Variants in STAG1 observed in about 807,000 individuals in gnomAD.
The protein encoded by STAG1 is cohesin subunit SA-1.
A neutral mutation model predicts 170.9 loss-of-function variants in STAG1; 26 were observed. The observed-to-expected ratio is 0.15, with a 90% CI of 0.11 to 0.21. The LOEUF is 0.21. Ranked by LOEUF, STAG1 falls within the 10% of genes least tolerant of loss-of-function variation. STAG1 has a pLI of 1.00. For missense variants in STAG1, 964 were observed against 1,509.5 expected, an observed-to-expected ratio of 0.64 and a Z score of 5.99; for synonymous variants, 514 against 497.7, an observed-to-expected ratio of 1.03 and a Z score of -0.44.
chr3:136,562,217 G>A (rs538969607), intron 5 of STAG1, among the ~76,000 whole-genome samples: 2 of 151,824 alleles, frequency 1.3e-5, no homozygotes, highest in South Asian at 2.1e-4. Flanking sequence ...GCAGCCACCT[G>A]TCACATTTCT....
intron 5 of STAG1, among the ~76,000 whole-genome samples, chr3:136,555,739 T>C (rs1231259274): frequency 6.9e-6 from 1 of 144,764 alleles, no homozygotes; most frequent in Non-Finnish European, 1.5e-5. Flanking sequence ...ATTTAATAGT[T>C]AAAAAAAAAA....
intron 3 of STAG1, among the ~76,000 whole-genome samples, chr3:136,615,892 CA>C (rs1939570274): frequency 6.6e-6 from 1 of 151,874 alleles, no homozygotes; most frequent in South Asian, 2.1e-4. Flanking sequence ...GTACAGCTGC[CA>C]ATAAAGTAAG....
intron 7 of STAG1, among the ~76,000 whole-genome samples, chr3:136,510,949 T>C (rs1353210167): frequency 1.3e-5 from 2 of 152,066 alleles, no homozygotes; most frequent in East Asian, 3.9e-4. Flanking sequence ...AATTTTGTAT[T>C]TTTAGTAGAG....
intron 1 of STAG1, among the ~76,000 whole-genome samples, chr3:136,670,571 G>A (rs764167826): frequency 5.3e-5 from 8 of 152,092 alleles, no homozygotes; most frequent in Non-Finnish European, 8.8e-5. Flanking sequence ...ACCTCTACTG[G>A]GTTCAAGCGA....
intron 25 of STAG1, among the ~76,000 whole-genome samples, chr3:136,365,173 T>C (rs1937028618): frequency 1.3e-5 from 2 of 152,304 alleles, no homozygotes; most frequent in African/African-American, 2.4e-5. Context: ...CAATGAAGTA[T>C]TGTTAAAGGA....
chr3:136,546,600 G>C (rs1261681235), intron 5 of STAG1, among the ~76,000 whole-genome samples: 1 of 152,124 alleles, frequency 6.6e-6, no homozygotes, highest in Admixed American at 6.5e-5. Context: ...AGAAAACAGA[G>C]AGTAGAAAAG....
At chr3:136,400,967 T>C (rs746157211) in intron 21 of STAG1, among the ~76,000 whole-genome samples, 8 of 152,238 alleles carry the variant, frequency 5.3e-5, no homozygotes, top group Non-Finnish European at 8.8e-5. Context: ...TTACAATACA[T>C]TGTTTTCATT....
At chr3:136,412,778 G>A (rs1576440711) in intron 21 of STAG1, among the ~76,000 whole-genome samples, 1 of 151,396 alleles carries the variant, frequency 6.6e-6, no homozygotes, top group African/African-American at 2.4e-5. Flanking sequence ...AAAAACAAAT[G>A]TAACAACTAA....
intron 6 of STAG1, among the ~76,000 whole-genome samples, chr3:136,522,935 A>G (rs1217611507): frequency 6.6e-6 from 1 of 152,242 alleles, no homozygotes; most frequent in South Asian, 2.1e-4. Context: ...TCCACAGTGT[A>G]TATGTGCCAT....
rs146114773 is a variant in STAG1, at chr3:136,700,580, C to T, written c.-84+51615G>A. Reference sequence around the variant, plus strand: ...GATTACAGGTGCCCGCTACCACGCCCGGCCAATTTTTTGTATTTTTAGTAG... The same window carrying T: ...GATTACAGGTGCCCGCTACCACGCCTGGCCAATTTTTTGTATTTTTAGTAG... On this transcript the variant is annotated intron_variant, in intron 1 of 33. Transcript: ENST00000383202. 7.2e-4 allele frequency among the ~76,000 whole-genome samples: 109 copies of T among 151,770 alleles called. 1 individual carries two copies. In the East Asian group the frequency reaches 0.017, roughly 24 times the overall value.
chr3:136,538,674 T>C (rs113611236), intron 6 of STAG1, among the ~76,000 whole-genome samples: 176 of 152,156 alleles, frequency 1.2e-3, no homozygotes, highest in African/African-American at 2.4e-3. Flanking sequence ...CCCACCTTGG[T>C]CTCCCAAAGT....
chr3:136,394,818 TG>T (rs1013516220), intron 22 of STAG1, among the ~76,000 whole-genome samples: 1 of 151,194 alleles, frequency 6.6e-6, no homozygotes, highest in African/African-American at 2.4e-5. Context: ...CCAGGCATGG[TG>T]GTAGGCACCA....
chr3:136,523,768 T>G (rs192990315), intron 6 of STAG1, among the ~76,000 whole-genome samples: 230 of 152,346 alleles, frequency 1.5e-3, no homozygotes, highest in African/African-American at 5.1e-3. Flanking sequence ...AATTAATTTT[T>G]GTATAAAGTA....
chr3:136,533,748 T>A (rs1485192284), intron 6 of STAG1, among the ~76,000 whole-genome samples: 1 of 152,188 alleles, frequency 6.6e-6, no homozygotes, highest in East Asian at 1.9e-4. Flanking sequence ...GGGGATTACA[T>A]TTCAACATGA....
rs754872808 is a variant in STAG1, at chr3:136,542,111, T to G, written c.471+8A>C. On this transcript the variant is annotated splice_region_variant and intron_variant, in intron 6 of 33. Coordinates refer to ENST00000383202, the MANE Select transcript of STAG1 (RefSeq NM_005862.3). ...TAAGCAATTTGTATGAATATTGGAATGCTATACCTCATCAAATTCTTCAGT... is the reference window on the plus strand; with the variant it reads ...TAAGCAATTTGTATGAATATTGGAAGGCTATACCTCATCAAATTCTTCAGT... 2 of 1,597,450 alleles carry G rather than the reference T, an allele frequency of 1.3e-6. No homozygotes were observed. Among genetic ancestry groups the G allele is most frequent in the Admixed American group, 1.7e-5 (1 of 59,280 alleles).
intron 23 of STAG1, among the ~76,000 whole-genome samples, chr3:136,375,260 C>A (rs1239439180): frequency 6.6e-6 from 1 of 152,168 alleles, no homozygotes; most frequent in African/African-American, 2.4e-5. Flanking sequence ...ACTTTGAATA[C>A]ATTTGTACAC....
intron 7 of STAG1, among the ~76,000 whole-genome samples, chr3:136,512,912 A>T (rs986487256): frequency 6.6e-6 from 1 of 152,196 alleles, no homozygotes; most frequent in Non-Finnish European, 1.5e-5. Context: ...ATATTTGAGG[A>T]AAATGTCCAA....
At chr3:136,465,137 C>A (rs539719245) in intron 12 of STAG1, 149 bp from the exon 13 acceptor site, 1 of 541,314 alleles carries the variant, frequency 1.8e-6, no homozygotes, top group South Asian at 3.3e-5. Context: ...AATGTTTCCC[C>A]TTTAAGTATA....
chr3:136,484,781 T>C, intron 9 of STAG1, among the ~76,000 whole-genome samples: 1 of 151,458 alleles, frequency 6.6e-6, no homozygotes, highest in Non-Finnish European at 1.5e-5. Context: ...AGTCTCCTGG[T>C]GCGCCGTTTT....
Sources: allele counts gnomAD v4.1 joint callset (sites outside exome capture counted in the v4.1 genomes callset), GRCh38; gene constraint gnomAD v4.1.1; transcripts MANE v1.5; gene names NCBI Gene and HGNC (gene_info 2026-07-23, HGNC 2026-07-21).